Variants in ANKMY1 observed in about 807,000 individuals in gnomAD.
The protein encoded by ANKMY1 is ankyrin repeat and MYND domain containing 1.
Under a neutral mutation model 102.0 loss-of-function variants are expected in ANKMY1, and 98 were observed. That is an observed-to-expected ratio of 0.96 (90% CI 0.82 to 1.14). ANKMY1 has a LOEUF of 1.14. Ranked by LOEUF, ANKMY1 falls within the 50% of genes most tolerant of loss-of-function variation. ANKMY1 has a pLI of 0.00. For synonymous variants in ANKMY1, 582 were observed against 559.9 expected (o/e 1.04, Z -0.56); for missense variants, 1,330 against 1,347.6 (o/e 0.99, Z 0.20).
chr2:240,489,480 T>C (rs2076406416), intron 15 of ANKMY1, among the ~76,000 whole-genome samples: 2 of 152,056 alleles, frequency 1.3e-5, no homozygotes, highest in Admixed American at 6.6e-5. Context: ...AGAGTTTTTA[T>C]CATGAAGATT....
At chr2:240,554,803 A>G (rs531014428) in intron 3 of ANKMY1, 63 bp downstream of exon 3, 19 of 1,581,204 alleles carry the variant, frequency 1.2e-5, no homozygotes, top group Non-Finnish European at 1.6e-5. Context: ...CACTCTTGGA[A>G]GGATAAAGGC....
intron 15 of ANKMY1, among the ~76,000 whole-genome samples, chr2:240,490,129 A>G (rs2076478419): frequency 6.6e-6 from 1 of 151,708 alleles, no homozygotes; most frequent in South Asian, 2.1e-4. Context: ...ACAGAGATTC[A>G]TTTCTTCAAA....
Position 240,526,265 on chromosome 2 carries a change from C to T in ANKMY1, c.1134G>A (p.Ala378=), listed in dbSNP as rs139323166. The change falls in exon 6 of 18, where the codon GCG becomes GCA. Residue 378 remains alanine (A), a synonymous_variant. Transcript: ENST00000401804. ...CAAGCACAGTGTAGCCCTTTGCGTC[C>T]GCCACGTCAGCACTAGCAAAGTTGT... ...LKDNFASADV[A]DAKGYTVLAA... 1,075 of 1,614,124 alleles carry T rather than the reference C, an allele frequency of 6.7e-4. 19 individuals carry two copies. The South Asian group carries it at 0.011, about 16-fold the overall frequency.
intron 4 of ANKMY1, among the ~76,000 whole-genome samples, chr2:240,551,833 A>C (rs1315309003): frequency 6.6e-6 from 1 of 152,248 alleles, no homozygotes; most frequent in African/African-American, 2.4e-5. Context: ...AGTTGTTTCC[A>C]GATAAACATA....
Position 240,509,461 on chromosome 2 carries a change from TG to T in ANKMY1, c.2287-7del. 6.2e-7 allele frequency: 1 copy of T among 1,604,016 alleles called. No individual in the cohort carries two copies. Reference sequence around the variant, plus strand: ...CGGACTATGTCCCTGGCACACTGGGTGGGGAGAAATGACAGGTTAGAGAGGC... The same window carrying T: ...CGGACTATGTCCCTGGCACACTGGGTGGGAGAAATGACAGGTTAGAGAGGC... On this transcript the variant is annotated splice_region_variant and splice_polypyrimidine_tract_variant and intron_variant, in intron 11 of 17. Transcript: ENST00000401804.
downstream of ANKMY1, among the ~76,000 whole-genome samples, chr2:240,479,082 C>T (rs2075058473): frequency 6.6e-6 from 1 of 152,230 alleles, no homozygotes; most frequent in Non-Finnish European, 1.5e-5. Context: ...GTCCCCAGAA[C>T]ACTCAGCACA....
intron 11 of ANKMY1, among the ~76,000 whole-genome samples, chr2:240,510,810 T>C (rs1018249614): frequency 6.6e-6 from 1 of 152,152 alleles, no homozygotes; most frequent in Non-Finnish European, 1.5e-5. Context: ...AATGATAGTG[T>C]CACATTCAGT....
At chr2:240,491,947 T>A (rs1391671700) in intron 15 of ANKMY1, among the ~76,000 whole-genome samples, 4 of 152,182 alleles carry the variant, frequency 2.6e-5, no homozygotes, top group Non-Finnish European at 5.9e-5. Context: ...ACTGTCTATA[T>A]CTCTTCCTAG....
intron 15 of ANKMY1, among the ~76,000 whole-genome samples, chr2:240,491,091 C>CTTTTTTTTTTTTT: frequency 7.7e-6 from 1 of 129,580 alleles, no homozygotes. Flanking sequence ...ATGACTTTGT[C>CTTTTTTTTTTTTT]TTTTTTTTTT....
chr2:240,545,506 C>G (rs531416474), intron 4 of ANKMY1, among the ~76,000 whole-genome samples: 25 of 152,268 alleles, frequency 1.6e-4, no homozygotes, highest in African/African-American at 5.5e-4. Flanking sequence ...CAAAGCTGGA[C>G]GGAGAATGAC....
intron 5 of ANKMY1, chr2:240,526,905 C>T (rs1575164333): frequency 1.8e-6 from 2 of 1,131,400 alleles, no homozygotes; most frequent in Non-Finnish European, 2.2e-6. Context: ...CATCACACAA[C>T]ACTGATGCCT....
chr2:240,532,042 A>G, intron 4 of ANKMY1: 1 of 457,140 alleles, frequency 2.2e-6, no homozygotes. Context: ...TTCGAGTACC[A>G]GAGAGAGAGG....
In ANKMY1 at chr2:240,480,956, G is replaced by T. The variant is rs147804085; in HGVS notation, c.3027C>A (p.Cys1009Ter). The stretch of plus-strand genomic sequence containing the variant: ...ACCTACCGATGGCCACCAGGTCCCC[G>T]CAGTCCTTCTTGTGGAACTCGGTCC... ...KAWTEFHKKDCGDLVAIVTQL... is the reference protein window; with the variant it reads ...KAWTEFHKKD Residue 1009 changes from cysteine to a stop codon, truncating the protein, a stop_gained, in exon 17 of 18, where the codon TGC becomes TGA. Coordinates refer to ENST00000401804, the MANE Select transcript of ANKMY1 (RefSeq NM_001282771.3). LOFTEE classifies it low-confidence loss of function (END_TRUNC). 1.7e-5 allele frequency: 28 copies of T among 1,611,476 alleles called. No individual in the cohort carries two copies. The highest frequency in any genetic ancestry group is 2.4e-5 in the Non-Finnish European group (28 of 1,178,058).
intron 6 of ANKMY1, 47 bp from the exon 7 acceptor site, chr2:240,525,896 G>A: frequency 1.3e-6 from 2 of 1,594,570 alleles, no homozygotes; most frequent in Non-Finnish European, 8.6e-7. Context: ...CTGGCCCTCA[G>A]GGGTGGGAAG....
the ANKMY1 span, among the ~76,000 whole-genome samples, chr2:240,474,301 G>T: frequency 7.5e-6 from 1 of 132,652 alleles, no homozygotes; most frequent in Non-Finnish European, 1.6e-5. Context: ...GTAGAGACGG[G>T]TTTCACTGTG....
At chr2:240,538,029 G>A (rs1471867570) in intron 4 of ANKMY1, among the ~76,000 whole-genome samples, 3 of 152,254 alleles carry the variant, frequency 2.0e-5, no homozygotes, top group African/African-American at 7.2e-5. Context: ...TCTGGGGGCT[G>A]CCTGATTCAT....
At chr2:240,482,128 T>G in intron 16 of ANKMY1, 55 bp downstream of exon 16, 3 of 1,583,186 alleles carry the variant, frequency 1.9e-6, no homozygotes, top group Non-Finnish European at 2.6e-6. Context: ...ACAACAGCAC[T>G]GTCCAAACCA....
At chr2:240,560,782 C>G (rs924913056), upstream of ANKMY1, 2 of 1,459,766 alleles carry the variant, frequency 1.4e-6, no homozygotes, top group Non-Finnish European at 1.8e-6. Context: ...AGCGCGCGAG[C>G]CGCGGGCGCG....
the ANKMY1 span, among the ~76,000 whole-genome samples, chr2:240,470,471 T>A: frequency 6.6e-6 from 1 of 152,122 alleles, no homozygotes; most frequent in Non-Finnish European, 1.5e-5. Context: ...CAGCAGCCCC[T>A]CCCAGATGAG....
Sources: gnomAD v4.1 joint callset for allele counts (sites outside exome capture counted in the v4.1 genomes callset) on GRCh38, gnomAD v4.1.1 for gene constraint, MANE v1.5 for transcripts, NCBI Gene and HGNC (gene_info 2026-07-23, HGNC 2026-07-21) for gene names.